SEL1L3: variants seen among roughly 807,000 people sequenced by gnomAD.
SEL1L3 encodes SEL1L family member 3, also known as protein sel-1 homolog 3.
A neutral mutation model predicts 142.8 loss-of-function variants in SEL1L3; 76 were observed. The observed-to-expected ratio is 0.53, with a 90% confidence interval of 0.44 to 0.64. The LOEUF (loss-of-function observed/expected upper bound fraction) is 0.64, where lower values mean the gene tolerates loss of function less well. Among genes scored for constraint, SEL1L3 ranks in the 30% least tolerant of loss-of-function variants. The pLI is 0.00. For synonymous variants in SEL1L3, 504 were observed against 519.6 expected (o/e 0.97, Z 0.41); for missense variants, 1,262 against 1,381.7 (o/e 0.91, Z 1.37).
chr4:25,833,040 A>C lies in SEL1L3; in HGVS notation c.1053T>G (p.Pro351=), dbSNP rs1715543580. ...DLAVKTKFII[P]LKEWFRLDIS... is the part of the protein sequence containing the mutation. ...TATCCAGTCGAAACCACTCCTTCAA[A>C]GGTATGATGAATTTAGTTTTTACAG... Residue 351 remains proline, a synonymous_variant, in exon 5 of 24, where the codon CCT becomes CCG. Transcript: ENST00000399878. The C allele has an allele frequency of 6.2e-7, 1 of 1,612,496 alleles. No homozygotes were observed. Among genetic ancestry groups the C allele is most frequent in the Admixed American group, 1.7e-5 (1 of 60,030 alleles).
chr4:25,783,313 C>G (rs1465861111), intron 14 of SEL1L3, among the ~76,000 whole-genome samples: 1 of 152,226 alleles, frequency 6.6e-6, no homozygotes, highest in African/African-American at 2.4e-5. Context: ...CTCTTGACAA[C>G]ACACAGATGG....
downstream of SEL1L3, chr4:25,747,295 T>C (rs1008237959): frequency 7.2e-5 from 11 of 151,872 alleles, no homozygotes; most frequent in African/African-American, 2.4e-4. Context: ...TCCACAAATA[T>C]TAATGGGTTA....
chr4:25,736,453 A>T, the SEL1L3 span, among the ~76,000 whole-genome samples: 1 of 150,606 alleles, frequency 6.6e-6, no homozygotes, highest in Admixed American at 6.7e-5. Flanking sequence ...CGAACTCCTG[A>T]CCTCAGGTGA....
intron 23 of SEL1L3, among the ~76,000 whole-genome samples, chr4:25,751,755 C>G (rs927919580): frequency 1.3e-5 from 2 of 151,134 alleles, no homozygotes; most frequent in Non-Finnish European, 2.9e-5. Flanking sequence ...TTGAAAGTAT[C>G]AATTGAGCTA....
At chr4:25,820,214 T>C (rs1253010320) in intron 7 of SEL1L3, among the ~76,000 whole-genome samples, 2 of 152,214 alleles carry the variant, frequency 1.3e-5, no homozygotes, top group East Asian at 3.8e-4. Flanking sequence ...TCTTCTTTTC[T>C]CTGGCTGCAC....
At chr4:25,816,686 C>T (rs960443614) in intron 9 of SEL1L3, among the ~76,000 whole-genome samples, 3 of 152,118 alleles carry the variant, frequency 2.0e-5, no homozygotes. Context: ...TCAGCAGGTC[C>T]CTGTCACCTG....
the SEL1L3 span, among the ~76,000 whole-genome samples, chr4:25,734,261 G>A: frequency 1.5e-3 from 226 of 152,184 alleles, 1 homozygote; most frequent in African/African-American, 5.1e-3. Flanking sequence ...GGCCAGGCTG[G>A]TCTCAAACTC....
chr4:25,857,503 C>T (rs1577706544), intron 1 of SEL1L3, among the ~76,000 whole-genome samples: 3 of 152,194 alleles, frequency 2.0e-5, no homozygotes, highest in African/African-American at 7.2e-5. Flanking sequence ...GACTTCTAAC[C>T]TCCACCTCTC....
chr4:25,802,523 C>T, intron 10 of SEL1L3, 61 bp from the exon 11 acceptor site: 2 of 1,421,944 alleles, frequency 1.4e-6, no homozygotes, highest in Non-Finnish European at 1.9e-6. Context: ...AAAATCCTAA[C>T]ACTGAAAGGT....
chr4:25,730,491 C>G, the SEL1L3 span, among the ~76,000 whole-genome samples: 30 of 152,228 alleles, frequency 2.0e-4, no homozygotes, highest in South Asian at 5.8e-3. Context: ...CCATCTCTCT[C>G]AGAATCCCTC....
At chr4:25,721,953 C>CTACTCTGT in the SEL1L3 span, among the ~76,000 whole-genome samples, 122 of 152,198 alleles carry the variant, frequency 8.0e-4, no homozygotes, top group Non-Finnish European at 1.5e-3. Flanking sequence ...AACTTTTACA[C>CTACTCTGT]TACTCTGTTA....
chr4:25,825,032 C>T (rs945938851), intron 6 of SEL1L3, among the ~76,000 whole-genome samples: 7 of 152,066 alleles, frequency 4.6e-5, no homozygotes, highest in Non-Finnish European at 7.4e-5. Context: ...GATTTGTACT[C>T]AAAAGAAGGC....
At chr4:25,833,681 T>G (rs954950376) in intron 3 of SEL1L3, 112 bp from the exon 4 acceptor site, 4 of 954,242 alleles carry the variant, frequency 4.2e-6, no homozygotes, top group Non-Finnish European at 6.0e-6. Context: ...TGGATGAATT[T>G]GCCTTCGCGT....
intron 17 of SEL1L3, among the ~76,000 whole-genome samples, chr4:25,772,665 G>T (rs971775188): frequency 1.3e-5 from 2 of 151,496 alleles, no homozygotes; most frequent in African/African-American, 4.8e-5. Flanking sequence ...GGAAGGAAAA[G>T]AAAAAAAGAA....
At chr4:25,782,738 C>T (rs753956577) in intron 14 of SEL1L3, among the ~76,000 whole-genome samples, 4 of 152,118 alleles carry the variant, frequency 2.6e-5, no homozygotes, top group East Asian at 1.9e-4. Flanking sequence ...ATTGCCCTGC[C>T]GCATCAATAG....
Position 25,765,399 on chromosome 4 carries a change from T to A in SEL1L3, c.2882A>T (p.His961Leu). The A allele has an allele frequency of 6.2e-7, 1 of 1,613,792 alleles. No individual in the cohort carries two copies. The highest frequency in any genetic ancestry group is 8.5e-7 in the Non-Finnish European group (1 of 1,179,720). The change falls in exon 20 of 24, where the codon CAC (histidine) becomes CTC (leucine). Residue 961 changes from histidine (H) to leucine (L), a missense_variant. Coordinates refer to ENST00000399878, the MANE Select transcript of SEL1L3 (RefSeq NM_015187.5). ...CTCCAGGTCTTGTGACTGGTTTTGG[T>A]GGCCATAGTAGTAAAGGTCTCCCAT... ...LKMGDLYYYG[H>L]QNQSQDLELS...
At chr4:25,794,095 C>A (rs1216722442) in intron 11 of SEL1L3, among the ~76,000 whole-genome samples, 1 of 152,150 alleles carries the variant, frequency 6.6e-6, no homozygotes. Context: ...TAGGCAATAC[C>A]ATTCAGGACA....
intron 23 of SEL1L3, among the ~76,000 whole-genome samples, chr4:25,748,833 GA>G (rs1717409825): frequency 6.6e-6 from 1 of 152,192 alleles, no homozygotes; most frequent in African/African-American, 2.4e-5. Flanking sequence ...GGAAGTTTAA[GA>G]ATGGGTCCCC....
chr4:25,796,333 G>A (rs918269576), intron 11 of SEL1L3, among the ~76,000 whole-genome samples: 1 of 152,030 alleles, frequency 6.6e-6, no homozygotes, highest in Non-Finnish European at 1.5e-5. Flanking sequence ...AGTGGCTCAC[G>A]CCTGTAATCC....
Sources: allele counts gnomAD v4.1 joint callset (sites outside exome capture counted in the v4.1 genomes callset), GRCh38; gene constraint gnomAD v4.1.1; transcripts MANE v1.5; gene names NCBI Gene and HGNC (gene_info 2026-07-23, HGNC 2026-07-21).